BRCA1: variants seen among roughly 807,000 people sequenced by gnomAD.
The protein encoded by BRCA1 is breast cancer type 1 susceptibility protein.
BRCA1 carries 140 observed loss-of-function variants against 173.7 expected under a neutral mutation model. The ratio of observed to expected loss-of-function variants is 0.81; its 90% CI spans 0.70 to 0.93. The LOEUF is 0.93. BRCA1 is among the 40% of genes least tolerant of loss of function. The probability of loss-of-function intolerance (pLI) is 0.00; values close to 1 mark genes in which losing one functional copy is unlikely to be tolerated. For missense variants in BRCA1, 1,983 were observed against 2,172.5 expected, an observed-to-expected ratio of 0.91 and a Z score of 1.73; for synonymous variants, 662 against 756.0, an observed-to-expected ratio of 0.88 and a Z score of 2.04.
chr17:43,067,421 A>C, intron 16 of BRCA1, 187 bp downstream of exon 16: 2 of 493,106 alleles, frequency 4.1e-6, no homozygotes, highest in Non-Finnish European at 7.4e-6. Flanking sequence ...CACCCAGCTA[A>C]TTTTTTTATT....
chr17:43,160,630 G>T (rs1597946400), intron 1 of BRCA1: 1 of 152,160 alleles, frequency 6.6e-6, no homozygotes, highest in Non-Finnish European at 1.5e-5. Flanking sequence ...TCTGCTTGTG[G>T]ATTTCATTTC....
At chr17:43,086,109 T>TACACACACACACACACAC (rs376686434) in intron 11 of BRCA1, among the ~76,000 whole-genome samples, 14 of 137,358 alleles carry the variant, frequency 1.0e-4, no homozygotes, top group African/African-American at 3.2e-4. Context: ...ATCACATACA[T>TACACACACACACACACAC]ACACACACAC....
chr17:43,084,298 G>C (rs568448767), intron 11 of BRCA1, among the ~76,000 whole-genome samples: 2 of 152,248 alleles, frequency 1.3e-5, no homozygotes, highest in South Asian at 4.1e-4. Flanking sequence ...CCAAAGTGCT[G>C]GGATTACAGG....
intron 18 of BRCA1, among the ~76,000 whole-genome samples, chr17:43,062,880 A>G (rs1010128186): frequency 4.0e-5 from 6 of 151,898 alleles, no homozygotes; most frequent in African/African-American, 1.5e-4. Context: ...TACAGGCATG[A>G]GCCACTGCAC....
intron 21 of BRCA1, among the ~76,000 whole-genome samples, chr17:43,048,449 C>CCCA (rs1486821026): frequency 6.6e-6 from 1 of 151,864 alleles, no homozygotes; most frequent in Non-Finnish European, 1.5e-5. Flanking sequence ...TCGTGATCTG[C>CCCA]CCACCTCAGC....
At chr17:43,080,185 C>T (rs1023578179) in intron 12 of BRCA1, among the ~76,000 whole-genome samples, 1 of 152,164 alleles carries the variant, frequency 6.6e-6, no homozygotes, top group Admixed American at 6.5e-5. Flanking sequence ...GTATGGGCCA[C>T]ACCAAACATT....
rs2054639807 is a variant in BRCA1 at position 43,104,248 on chromosome 17, A to G, written c.315T>C (p.Tyr105=). 6.2e-7 allele frequency: 1 copy of G among 1,610,660 alleles called. No homozygotes were observed. The part of the protein sequence containing the change: ...LDTGLEYANS[Y]NFAKKENNSP... ...AGTTATTTTCCTTTTTTGCAAAATT[A>G]TAGCTGTTTGCATCTGTAAAATACA... Residue 105 remains tyrosine (Y), a synonymous_variant, in exon 6 of 23, where the codon TAT becomes TAC. Transcript: ENST00000357654.
Position 43,093,683 on chromosome 17 carries a change from A to G in BRCA1, c.1848T>C (p.Ser616=), listed in dbSNP as rs2154417226. The G allele has an allele frequency of 6.2e-7, 1 of 1,613,440 alleles. No individual in the cohort carries two copies. The highest frequency in any genetic ancestry group is 2.2e-5 in the East Asian group (1 of 44,880). The change falls in exon 10 of 23, where the codon TCT becomes TCC. Residue 616 remains serine (S), a synonymous_variant. Coordinates refer to ENST00000357654, the MANE Select transcript of BRCA1 (RefSeq NM_007294.4). ...GTTCAAGCGCATGAATATGCCTGGT[A>G]GAAGACTTCCTCCTCAGCCTATTCT... is the stretch of plus-strand genomic sequence containing the variant. ...PKKNRLRRKS[S]TRHIHALELV...
rs1567790183 is a variant in BRCA1 at position 43,091,762 on chromosome 17, C to T, written c.3769G>A (p.Glu1257Lys). The T allele has an allele frequency of 1.2e-6, 2 of 1,614,222 alleles. No individual in the cohort carries two copies. Among genetic ancestry groups the T allele is most frequent in the Non-Finnish European group, 1.7e-6 (2 of 1,180,046 alleles). The change falls in exon 10 of 23, where the codon GAG becomes AAG. Residue 1257 changes from glutamate (E) to lysine (K), a missense_variant. Transcript: ENST00000357654. Reference sequence around the variant, plus strand: ...TTCTTCAATGATAATAAATTCTCCTCTGTGTTCTTAGACAGACACTCGGTA... The same window carrying T: ...TTCTTCAATGATAATAAATTCTCCTTTGTGTTCTTAGACAGACACTCGGTA... ...VATECLSKNT[E>K]ENLLSLKNSL...
intron 12 of BRCA1, among the ~76,000 whole-genome samples, chr17:43,078,193 C>T (rs2052830398): frequency 6.6e-6 from 1 of 152,086 alleles, no homozygotes; most frequent in African/African-American, 2.4e-5. Context: ...AAGCGATTCT[C>T]CTGCCTTAGC....
rs80356909 is a variant in BRCA1 at position 43,071,185 on chromosome 17, A to G, written c.4729T>C (p.Ser1577Pro). 8.3e-5 allele frequency: 134 copies of G among 1,614,110 alleles called. No homozygotes were observed. In the East Asian group the frequency reaches 2.9e-3, roughly 35 times the overall value. Residue 1577 changes from serine to proline, a missense_variant, in exon 15 of 23, where the codon TCT (serine) becomes CCT (proline). By Grantham distance (74) the Ser-to-Pro change is moderately conservative. Coordinates refer to ENST00000357654, the MANE Select transcript of BRCA1 (RefSeq NM_007294.4). ...GISLFSDDPESDPSEDRAPES... is the reference protein window; with the variant it reads ...GISLFSDDPEPDPSEDRAPES... ...GGGGCTCTGTCTTCAGAAGGATCAG[A>G]TTCAGGGTCATCAGAGAAGAGGCTG...
intron 8 of BRCA1, among the ~76,000 whole-genome samples, chr17:43,096,496 A>G (rs970011816): frequency 3.3e-5 from 5 of 150,232 alleles, no homozygotes; most frequent in African/African-American, 9.8e-5. Context: ...CGCTTGAACC[A>G]GGGAGTTGGA....
chr17:43,067,683 T>C lies in BRCA1; in HGVS notation c.4999A>G (p.Lys1667Glu), dbSNP rs80357204. 6.8e-6 allele frequency: 11 copies of C among 1,612,212 alleles called. No homozygotes were observed. The highest frequency in any genetic ancestry group is 1.7e-4 in the Middle Eastern group (1 of 6,054). ...LTPEEFMLVY[K>E]FARKHHITLT... ...GTGATGTGGTGTTTTCTGGCAAACT[T>C]GTACACGAGCATCTGAAATTAAATC... The change falls in exon 16 of 23, where the codon AAG becomes GAG. Residue 1667 changes from lysine (K) to glutamate (E), a missense_variant. Coordinates refer to ENST00000357654, the MANE Select transcript of BRCA1 (RefSeq NM_007294.4).
At chr17:43,065,088 C>G (rs2052004975) in intron 16 of BRCA1, among the ~76,000 whole-genome samples, 1 of 151,938 alleles carries the variant, frequency 6.6e-6, no homozygotes. Context: ...CCTTGGCCCC[C>G]CAAAGCGCTG....
At chr17:43,127,875 T>G (rs2055927297), upstream of BRCA1, among the ~76,000 whole-genome samples, 1 of 151,554 alleles carries the variant, frequency 6.6e-6, no homozygotes, top group African/African-American at 2.4e-5. Context: ...AGACAAAATA[T>G]TAGCTGGGTG....
intron 11 of BRCA1, among the ~76,000 whole-genome samples, chr17:43,087,298 G>A (rs923475088): frequency 6.6e-6 from 1 of 152,062 alleles, no homozygotes; most frequent in Non-Finnish European, 1.5e-5. Context: ...TCAGCAATAG[G>A]TCAAATAAAT....
chr17:43,146,023 C>T (rs1362916535), intron 1 of BRCA1, among the ~76,000 whole-genome samples: 1 of 151,940 alleles, frequency 6.6e-6, no homozygotes, highest in African/African-American at 2.4e-5. Flanking sequence ...TATGGCTCAC[C>T]CTGTTGGAGT....
upstream of BRCA1, among the ~76,000 whole-genome samples, chr17:43,127,068 C>T (rs1020299274): frequency 1.3e-5 from 2 of 152,216 alleles, no homozygotes; most frequent in African/African-American, 4.8e-5. Flanking sequence ...GGGCAAGGCT[C>T]AGGACCTGCA....
At position 43,092,601 on chromosome 17, in the gene BRCA1, G is replaced by A. The variant is rs141465583; in HGVS notation, c.2930C>T (p.Pro977Leu). The change falls in exon 10 of 23, where the codon CCA becomes CTA. Residue 977 changes from proline to leucine, a missense_variant. By Grantham distance (98) the Pro-to-Leu change is moderately conservative. Transcript: ENST00000357654. ...GGGAAAAAGTGGTGGTATACGATAT[G>A]GGTTTTGTAAAAGTCCATGTTTATT... ...TPNKHGLLQN[P>L]YRIPPLFPIK... 3 of 1,613,852 alleles carry A rather than the reference G, an allele frequency of 1.9e-6. No individual in the cohort carries two copies. The highest frequency in any genetic ancestry group is 2.5e-6 in the Non-Finnish European group (3 of 1,179,994).
Sources: gnomAD v4.1 joint callset for allele counts (sites outside exome capture counted in the v4.1 genomes callset) on GRCh38, gnomAD v4.1.1 for gene constraint, MANE v1.5 for transcripts, NCBI Gene and HGNC (gene_info 2026-07-23, HGNC 2026-07-21) for gene names.